The following PTPRR variants were observed in gnomAD, a reference collection of about 807,000 sequenced individuals.
PTPRR encodes the protein receptor-type tyrosine-protein phosphatase R.
A neutral mutation model predicts 77.2 loss-of-function variants in PTPRR; 38 were observed. The observed-to-expected ratio is 0.49, with a 90% CI of 0.38 to 0.65. The LOEUF is 0.65. PTPRR is among the 30% of genes least tolerant of loss of function. The probability of loss-of-function intolerance (pLI) is 0.00; values close to 1 mark genes in which losing one functional copy is unlikely to be tolerated. For missense variants in PTPRR, 744 were observed against 799.2 expected, an observed-to-expected ratio of 0.93 and a Z score of 0.83; for synonymous variants, 299 against 283.1, an observed-to-expected ratio of 1.06 and a Z score of -0.57.
At chr12:70,780,457 A>G (rs1891180316) in intron 2 of PTPRR, among the ~76,000 whole-genome samples, 1 of 152,232 alleles carries the variant, frequency 6.6e-6, no homozygotes, top group South Asian at 2.1e-4. Flanking sequence ...TTTATAAAAT[A>G]TAATGATTAG....
At chr12:70,760,237 C>T (rs550692375) in intron 4 of PTPRR, among the ~76,000 whole-genome samples, 60 of 152,276 alleles carry the variant, frequency 3.9e-4, no homozygotes, top group Admixed American at 2.9e-3. Flanking sequence ...AACTAAGGCT[C>T]AGGGAGGTTG....
Position 70,829,600 on chromosome 12 carries a change from C to G in PTPRR, c.357+63079G>C, listed in dbSNP as rs147195127. On this transcript the variant is annotated intron_variant, in intron 2 of 13. Coordinates refer to ENST00000283228, the MANE Select transcript of PTPRR (RefSeq NM_002849.4). ...ATTATTTGCCATAAGAAAATGCGTC[C>G]TTTGAAAAACCAAGGGATGTTATCA... is the stretch of plus-strand genomic sequence containing the variant. Among the ~76,000 whole-genome samples the G allele has an allele frequency of 5.7e-3, 869 of 152,222 alleles. 3 individuals carry two copies. The highest frequency in any genetic ancestry group is 7.7e-3 in the Non-Finnish European group (522 of 68,004).
chr12:70,806,323 T>C (rs941192184), intron 2 of PTPRR, among the ~76,000 whole-genome samples: 1 of 152,166 alleles, frequency 6.6e-6, no homozygotes, highest in Admixed American at 6.6e-5. Context: ...GGAGACATTG[T>C]GTGGCTACAG....
chr12:70,656,456 G>T (rs1410832737), intron 13 of PTPRR, among the ~76,000 whole-genome samples: 2 of 152,090 alleles, frequency 1.3e-5, no homozygotes, highest in Non-Finnish European at 2.9e-5. Flanking sequence ...TTGAGCCCAG[G>T]AGTTTGAGGC....
intron 2 of PTPRR, among the ~76,000 whole-genome samples, chr12:70,842,022 A>C (rs1434905074): frequency 4.6e-5 from 7 of 152,210 alleles, no homozygotes; most frequent in Non-Finnish European, 7.3e-5. Flanking sequence ...TTTTCAAATA[A>C]CAATGTTAAT....
chr12:70,714,288 C>G (rs2136823360), intron 6 of PTPRR, among the ~76,000 whole-genome samples: 1 of 152,046 alleles, frequency 6.6e-6, no homozygotes, highest in Middle Eastern at 3.4e-3. Flanking sequence ...CATACTTATA[C>G]TAAAGTTTTC....
chr12:70,909,097 G>T (rs1331932107), intron 1 of PTPRR, among the ~76,000 whole-genome samples: 1 of 152,124 alleles, frequency 6.6e-6, no homozygotes, highest in Non-Finnish European at 1.5e-5. Context: ...GGACCTGAGG[G>T]GCGCTGCCAG....
At chr12:70,739,465 A>C (rs1889976846) in intron 6 of PTPRR, among the ~76,000 whole-genome samples, 1 of 152,204 alleles carries the variant, frequency 6.6e-6, no homozygotes, top group South Asian at 2.1e-4. Context: ...GTTCTTATGG[A>C]AGATTCTTTA....
At chr12:70,706,062 T>G (rs1888609258) in intron 6 of PTPRR, among the ~76,000 whole-genome samples, 1 of 152,086 alleles carries the variant, frequency 6.6e-6, no homozygotes, top group Non-Finnish European at 1.5e-5. Flanking sequence ...TTTGCTCATT[T>G]GAATAACAAA....
intron 2 of PTPRR, among the ~76,000 whole-genome samples, chr12:70,809,243 A>T (rs541339725): frequency 6.6e-6 from 1 of 152,252 alleles, no homozygotes; most frequent in South Asian, 2.1e-4. Context: ...ATGCTTAGAG[A>T]TGTGCAGCTT....
intron 2 of PTPRR, among the ~76,000 whole-genome samples, chr12:70,846,885 T>A (rs1457179525): frequency 6.6e-6 from 1 of 152,122 alleles, no homozygotes; most frequent in Non-Finnish European, 1.5e-5. Flanking sequence ...CCTCAATCTA[T>A]CCACAGCTTC....
intron 2 of PTPRR, among the ~76,000 whole-genome samples, chr12:70,888,618 G>A (rs989499545): frequency 3.3e-5 from 5 of 152,006 alleles, no homozygotes; most frequent in East Asian, 1.9e-4. Flanking sequence ...GTAGGCTTTC[G>A]CATTTCACCA....
At chr12:70,668,008 A>G (rs1210811444) in intron 10 of PTPRR, among the ~76,000 whole-genome samples, 1 of 152,150 alleles carries the variant, frequency 6.6e-6, no homozygotes, top group Non-Finnish European at 1.5e-5. Flanking sequence ...GAATAAACAG[A>G]TTCAACGTTT....
At chr12:70,664,587 G>C (rs1241662182) in intron 10 of PTPRR, 2 of 152,332 alleles carry the variant, frequency 1.3e-5, no homozygotes, top group African/African-American at 4.8e-5. Flanking sequence ...AAGAAAAGCT[G>C]CAAAGCAGGA....
At chr12:70,653,935 C>G (rs1432836808) in intron 13 of PTPRR, among the ~76,000 whole-genome samples, 1 of 151,932 alleles carries the variant, frequency 6.6e-6, no homozygotes, top group Non-Finnish European at 1.5e-5. Context: ...AAGAAAGAAA[C>G]AAACATAGTA....
chr12:70,682,575 A>C (rs892317838), intron 10 of PTPRR, among the ~76,000 whole-genome samples: 5 of 151,514 alleles, frequency 3.3e-5, no homozygotes, highest in African/African-American at 1.2e-4. Flanking sequence ...TATTCTGCAC[A>C]GTGTAACTGG....
At chr12:70,884,823 G>C (rs1333423863) in intron 2 of PTPRR, among the ~76,000 whole-genome samples, 1 of 129,106 alleles carries the variant, frequency 7.7e-6, no homozygotes, top group African/African-American at 3.0e-5. Flanking sequence ...AGTGAGCCGA[G>C]ATCGTGCCAC....
At chr12:70,670,558 G>T (rs1887185609) in intron 10 of PTPRR, among the ~76,000 whole-genome samples, 1 of 152,200 alleles carries the variant, frequency 6.6e-6, no homozygotes, top group African/African-American at 2.4e-5. Flanking sequence ...AATGGTAGTG[G>T]CTAGAAAACA....
At chr12:70,865,169 T>C (rs1892821612) in intron 2 of PTPRR, among the ~76,000 whole-genome samples, 1 of 152,104 alleles carries the variant, frequency 6.6e-6, no homozygotes, top group East Asian at 1.9e-4. Context: ...ATTTCTCTCT[T>C]GCCTGTCGCC....
Sources: allele counts gnomAD v4.1 joint callset (sites outside exome capture counted in the v4.1 genomes callset), GRCh38; gene constraint gnomAD v4.1.1; transcripts MANE v1.5; gene names NCBI Gene and HGNC (gene_info 2026-07-23, HGNC 2026-07-21).